Variants in SLCO3A1 observed in about 807,000 individuals in gnomAD.
SLCO3A1 encodes the protein solute carrier organic anion transporter family member 3A1.
In SLCO3A1, 27 loss-of-function variants were observed where a neutral mutation model predicts 63.1. That is an observed-to-expected ratio of 0.43 (90% CI 0.32 to 0.59). The LOEUF (loss-of-function observed/expected upper bound fraction) is 0.59. SLCO3A1 is among the 20% of genes least tolerant of loss of function. The probability of loss-of-function intolerance (pLI) is 0.09; values close to 1 mark genes in which losing one functional copy is unlikely to be tolerated. For missense variants in SLCO3A1, 773 were observed against 945.8 expected (o/e 0.82, Z 2.40); for synonymous variants, 473 against 409.9 (o/e 1.15, Z -1.86).
rs577779886 is a variant in SLCO3A1, at chr15:91,932,909, G to C, written c.646+16451G>C. The stretch of plus-strand genomic sequence containing the variant: ...GTGCTTCCATCATGGGACACATGTA[G>C]CTTTTGTGGTGTTAACAGCTATGCT... On this transcript the variant is annotated intron_variant, in intron 2 of 9. Transcript: ENST00000318445. Among the ~76,000 whole-genome samples, 8 of 152,304 alleles carry C rather than the reference G, an allele frequency of 5.3e-5. No individual in the cohort carries two copies. In the South Asian group the frequency reaches 1.7e-3, roughly 32 times the overall value.
intron 9 of SLCO3A1, among the ~76,000 whole-genome samples, chr15:92,157,868 C>T (rs1025293975): frequency 6.6e-6 from 1 of 152,158 alleles, no homozygotes; most frequent in Non-Finnish European, 1.5e-5. Context: ...AAGGTATGAT[C>T]GTGCCCATTG....
At chr15:92,052,489 A>G (rs1429047174) in intron 2 of SLCO3A1, among the ~76,000 whole-genome samples, 1 of 152,152 alleles carries the variant, frequency 6.6e-6, no homozygotes, top group African/African-American at 2.4e-5. Flanking sequence ...CAGGCTAGGG[A>G]AAGAGTTCTT....
chr15:92,090,898 G>A (rs577378770), intron 2 of SLCO3A1, among the ~76,000 whole-genome samples: 4 of 152,230 alleles, frequency 2.6e-5, no homozygotes, highest in East Asian at 1.9e-4. Context: ...CCATGAAGTC[G>A]ATCTATTGTT....
downstream of SLCO3A1, among the ~76,000 whole-genome samples, chr15:92,168,894 C>T (rs1052715646): frequency 3.3e-5 from 5 of 152,134 alleles, no homozygotes; most frequent in Non-Finnish European, 7.4e-5. Context: ...CATCCTTTTT[C>T]TCTTAAATGA....
intron 2 of SLCO3A1, among the ~76,000 whole-genome samples, chr15:91,924,717 C>T (rs1898955914): frequency 6.6e-6 from 1 of 152,180 alleles, no homozygotes; most frequent in Admixed American, 6.5e-5. Flanking sequence ...GGACCCACTC[C>T]TACTGACACC....
intron 2 of SLCO3A1, among the ~76,000 whole-genome samples, chr15:92,035,503 A>G (rs1440120556): frequency 6.6e-6 from 1 of 151,824 alleles, no homozygotes; most frequent in Non-Finnish European, 1.5e-5. Flanking sequence ...TAAGAGGACC[A>G]GGAACCAGGC....
intron 2 of SLCO3A1, among the ~76,000 whole-genome samples, chr15:91,926,635 T>G (rs1366918826): frequency 7.1e-6 from 1 of 140,114 alleles, no homozygotes; most frequent in Non-Finnish European, 1.5e-5. Context: ...AACCACATAA[T>G]AGACAAATAT....
At chr15:92,030,078 A>G (rs2046627964) in intron 2 of SLCO3A1, among the ~76,000 whole-genome samples, 1 of 152,206 alleles carries the variant, frequency 6.6e-6, no homozygotes, top group African/African-American at 2.4e-5. Context: ...TATCTTGAAC[A>G]CGGGCTCTGC....
intron 1 of SLCO3A1, among the ~76,000 whole-genome samples, chr15:91,915,567 T>C (rs1898626674): frequency 6.6e-6 from 1 of 152,198 alleles, no homozygotes; most frequent in East Asian, 1.9e-4. Flanking sequence ...GAAAATCTCC[T>C]GGCTCCTCTG....
intron 2 of SLCO3A1, among the ~76,000 whole-genome samples, chr15:92,053,095 A>T (rs2046977055): frequency 6.6e-6 from 1 of 152,104 alleles, no homozygotes; most frequent in African/African-American, 2.4e-5. Flanking sequence ...CTGGACATTT[A>T]TTCACAAGTC....
intron 7 of SLCO3A1, among the ~76,000 whole-genome samples, chr15:92,139,454 C>T (rs1367774636): frequency 6.6e-6 from 1 of 152,132 alleles, no homozygotes; most frequent in Non-Finnish European, 1.5e-5. Flanking sequence ...GGTTGTGTCT[C>T]TGCCCAGCTT....
Position 91,897,580 on chromosome 15 carries a change from T to C in SLCO3A1, c.181-18413T>C, listed in dbSNP as rs1431377417. Among the ~76,000 whole-genome samples the C allele has an allele frequency of 1.3e-5, 2 of 152,330 alleles. No individual in the cohort carries two copies. Among genetic ancestry groups the C allele is most frequent in the Middle Eastern group, 3.4e-3 (1 of 294 alleles). On this transcript the variant is annotated intron_variant, in intron 1 of 9. Transcript: ENST00000318445. This position sits in a 1 kb window ranked among gnomAD's most constrained non-coding sequence, Gnocchi z 4.7. ...CAGGCTTCTTCTGATTTCTGACAGT[T>C]TCTTTTGTGCTGGTGCCTTTGACTA...
intron 1 of SLCO3A1, among the ~76,000 whole-genome samples, chr15:91,876,021 T>C (rs1567166827): frequency 6.6e-6 from 1 of 152,296 alleles, no homozygotes; most frequent in East Asian, 1.9e-4. Flanking sequence ...AGATGCCACC[T>C]CAGCTGAGCG....
At chr15:91,989,482 A>G (rs1249675991) in intron 2 of SLCO3A1, among the ~76,000 whole-genome samples, 1 of 152,212 alleles carries the variant, frequency 6.6e-6, no homozygotes, top group Non-Finnish European at 1.5e-5. Context: ...TTAGTAAAAA[A>G]CATTCCAGAT....
intron 2 of SLCO3A1, among the ~76,000 whole-genome samples, chr15:92,047,508 T>TATAAATAA (rs1305380871): frequency 5.4e-5 from 2 of 37,040 alleles, no homozygotes; most frequent in African/African-American, 9.7e-5. Flanking sequence ...TATATAAATA[T>TATAAATAA]ATATAAATAC....
chr15:91,996,056 T>A (rs28441123), intron 2 of SLCO3A1, among the ~76,000 whole-genome samples: 2,409 of 152,188 alleles, frequency 0.016, 68 homozygotes, highest in African/African-American at 0.053. Context: ...AAAATAAGAT[T>A]AGAAAAGAAC....
At chr15:91,999,875 T>G (rs191033128) in intron 2 of SLCO3A1, among the ~76,000 whole-genome samples, 5 of 152,200 alleles carry the variant, frequency 3.3e-5, no homozygotes, top group African/African-American at 9.6e-5. Context: ...ACAAATATAC[T>G]CTCGAAAACC....
At chr15:91,903,225 A>G (rs1898204608) in intron 1 of SLCO3A1, among the ~76,000 whole-genome samples, 2 of 152,208 alleles carry the variant, frequency 1.3e-5, no homozygotes, top group Non-Finnish European at 2.9e-5. Flanking sequence ...GAGGGACTGC[A>G]GGGGACCTGA....
intron 7 of SLCO3A1, among the ~76,000 whole-genome samples, chr15:92,132,105 C>T (rs1170438230): frequency 6.9e-6 from 1 of 145,532 alleles, no homozygotes; most frequent in African/African-American, 2.5e-5. Flanking sequence ...TAATACCATT[C>T]TCTTGTTTAG....
Sources: gnomAD v4.1 joint callset for allele counts (sites outside exome capture counted in the v4.1 genomes callset) on GRCh38, gnomAD v4.1.1 for gene constraint, Gnocchi (gnomAD v3.1) non-coding constraint, MANE v1.5 for transcripts, NCBI Gene and HGNC (gene_info 2026-07-23, HGNC 2026-07-21) for gene names.